The following PFAS variants were observed in gnomAD, a reference collection of about 807,000 sequenced individuals.
PFAS encodes FGAM synthase.
PFAS carries 97 observed loss-of-function variants against 140.6 expected under a neutral mutation model. The ratio of observed to expected loss-of-function variants is 0.69; its 90% confidence interval spans 0.59 to 0.82. The LOEUF is 0.82. PFAS is among the 40% of genes least tolerant of loss of function. PFAS has a pLI of 0.00. For missense variants in PFAS, 1,656 were observed against 1,780.2 expected (o/e 0.93, Z 1.26); for synonymous variants, 679 against 718.8 (o/e 0.94, Z 0.88).
Position 8,265,312 on chromosome 17 carries a change from A to T in PFAS, c.2305A>T (p.Met769Leu), listed in dbSNP as rs768578758. 2 of 1,613,986 alleles carry T rather than the reference A, an allele frequency of 1.2e-6. No individual in the cohort carries two copies. Among genetic ancestry groups the T allele is most frequent in the Admixed American group, 3.3e-5 (2 of 60,016 alleles). ...LRDVKCSGNWMWAAKLPGEGA... is the reference protein window; with the variant it reads ...LRDVKCSGNWLWAAKLPGEGA... ...GGATGTGAAGTGTAGCGGGAACTGG[A>T]TGTGGGCAGCCAAGCTCCCAGGGGA... Residue 769 changes from methionine (M) to leucine (L), a missense_variant, in exon 19 of 28, where the codon ATG becomes TTG. Around this residue, in one of 2 missense-constraint regions of PFAS, gnomAD observed 883 missense variants for 1,023.0 expected, o/e 0.86. Transcript: ENST00000314666.
upstream of PFAS, chr17:8,247,933 G>C: frequency 6.6e-7 from 1 of 1,508,602 alleles, no homozygotes; most frequent in Non-Finnish European, 9.1e-7. Context: ...CAAGGCAGAG[G>C]AAATAGGAAG....
chr17:8,262,344 G>A (rs1177309371), intron 11 of PFAS: 1 of 153,460 alleles, frequency 6.5e-6, no homozygotes, highest in East Asian at 1.9e-4. Flanking sequence ...CTTGTAAGTA[G>A]GTGATTTTAT....
intron 9 of PFAS, among the ~76,000 whole-genome samples, 159 bp downstream of exon 9, chr17:8,257,122 T>A (rs1473801063): frequency 6.6e-6 from 1 of 152,240 alleles, no homozygotes; most frequent in Admixed American, 6.5e-5. Context: ...TGGTCATAAG[T>A]GTAGACCTGG....
At chr17:8,247,946 A>C (rs971133486), upstream of PFAS, 4 of 1,550,126 alleles carry the variant, frequency 2.6e-6, no homozygotes, top group South Asian at 3.5e-5. Context: ...ATAGGAAGAG[A>C]AAGAGTATCT....
rs558094960 is a variant in PFAS, at chr17:8,266,596, G to T, written c.2822-157G>T. 9.0e-5 allele frequency: 132 copies of T among 1,472,546 alleles called. 1 individual carries two copies. The highest frequency in any genetic ancestry group is 1.1e-4 in the Non-Finnish European group (125 of 1,118,812). The allele number at this position is 1,472,546 out of a possible 1,614,324, so 91.2% of individuals were successfully genotyped here. A position where few individuals can be genotyped will look rare whatever the true frequency, so the allele number is the denominator to read the frequency against. On this transcript the variant is annotated intron_variant, in intron 22 of 27. Transcript: ENST00000314666. This position sits in a 1 kb window ranked among gnomAD's most constrained non-coding sequence, Gnocchi z 5.0. ...AGATGTCCATGATGAAACATCCTCA[G>T]TCCTGCCGTCCTAGCCCTCATCCTC...
Position 8,269,071 on chromosome 17 carries a change from A to G in PFAS, c.3824A>G (p.Asn1275Ser), listed in dbSNP as rs750865065. 67 of 1,613,848 alleles carry G rather than the reference A, an allele frequency of 4.2e-5. No individual in the cohort carries two copies. The highest frequency in any genetic ancestry group is 5.0e-5 in the Non-Finnish European group (59 of 1,179,876). Reference protein sequence around the residue: ...NPTEQYPLNPNGSPGGVAGIC... With the variant: ...NPTEQYPLNPSGSPGGVAGIC... The stretch of plus-strand genomic sequence containing the variant: ...ACAGAGCAGTACCCTCTGAATCCCA[A>G]TGGGTCCCCAGGGGGCGTGGCTGGC... Residue 1275 changes from asparagine to serine, a missense_variant, in exon 28 of 28, where the codon AAT becomes AGT. By Grantham distance (46) the Asn-to-Ser change is conservative. Coordinates refer to ENST00000314666, the MANE Select transcript of PFAS (RefSeq NM_012393.3).
intron 3 of PFAS, 120 bp downstream of exon 3, chr17:8,254,421 G>A: frequency 8.5e-7 from 1 of 1,179,820 alleles, no homozygotes; most frequent in African/African-American, 1.5e-5. Context: ...CCACACATGT[G>A]CTTTCCCCAT....
At chr17:8,265,192 G>A in intron 18 of PFAS, 67 bp downstream of exon 18, 12 of 1,563,822 alleles carry the variant, frequency 7.7e-6, no homozygotes, top group Non-Finnish European at 1.1e-5. Context: ...TCCATCTGTA[G>A]CCCTTCATTT....
Position 8,267,024 on chromosome 17 carries a change from C to T in PFAS, c.2968-4C>T, listed in dbSNP as rs780535148. 6.2e-7 allele frequency: 1 copy of T among 1,613,660 alleles called. No individual in the cohort carries two copies. The highest frequency in any genetic ancestry group is 8.5e-7 in the Non-Finnish European group (1 of 1,179,972). On this transcript the variant is annotated splice_polypyrimidine_tract_variant and splice_region_variant and intron_variant, in intron 23 of 27. Coordinates refer to ENST00000314666, the MANE Select transcript of PFAS (RefSeq NM_012393.3). This position sits in a 1 kb window ranked among gnomAD's most constrained non-coding sequence, Gnocchi z 4.9. Reference sequence around the variant, plus strand: ...GCCCGTGGGAGATTTGTTCCTCTTCCTAGGTCCGGGTGTCAGTGAACGGGG... The same window carrying T: ...GCCCGTGGGAGATTTGTTCCTCTTCTTAGGTCCGGGTGTCAGTGAACGGGG...
rs1182063271 is a variant in PFAS at position 8,255,604 on chromosome 17, CCT to C, written c.488_489del (p.Pro163ArgfsTer16). 1 of 1,582,630 alleles carries C rather than the reference CCT, an allele frequency of 6.3e-7. No homozygotes were observed. The highest frequency in any genetic ancestry group is 1.4e-5 in the African/African-American group (1 of 73,514). On this transcript the variant is annotated frameshift_variant, in exon 5 of 28. Transcript: ENST00000314666. LOFTEE classifies it high-confidence loss of function. ...CCCCCATCCCATCCAGAGTTTCTCC[CCT>C]GAGAGCATGCCGGAACCCCTCAATG... ...HFPHPIQSFSPESMPEPLNGP... is the reference protein window; with the variant it reads ...HFPHPIQSFSXESMPEPLNGP...
At chr17:8,257,323 G>A (rs1415712592) in intron 9 of PFAS, among the ~76,000 whole-genome samples, 4 of 152,198 alleles carry the variant, frequency 2.6e-5, no homozygotes, top group African/African-American at 4.8e-5. Context: ...TTGGGAGGCT[G>A]AGGTGGGCGG....
At chr17:8,254,135 C>T in intron 2 of PFAS, 31 bp from the exon 3 acceptor site, 1 of 1,614,074 alleles carries the variant, frequency 6.2e-7, no homozygotes, top group Non-Finnish European at 8.5e-7. Context: ...GGGGCAGTGT[C>T]TCAAGGTGTC....
At chr17:8,257,388 C>G (rs563482170) in intron 9 of PFAS, among the ~76,000 whole-genome samples, 13 of 152,012 alleles carry the variant, frequency 8.6e-5, no homozygotes, top group Non-Finnish European at 1.9e-4. Context: ...AACCCCGTCT[C>G]TACTAAAAAT....
Position 8,268,823 on chromosome 17 carries a change from G to A in PFAS, c.3673G>A (p.Ala1225Thr), listed in dbSNP as rs73975814. Residue 1225 changes from alanine to threonine, a missense_variant, in exon 27 of 28, where the codon GCC becomes ACC. Ala to Thr is a moderately conservative substitution (Grantham distance 58, BLOSUM62 0). This residue lies in a region of PFAS where 883 missense variants were observed against 1,023.0 expected (regional missense o/e 0.86). Transcript: ENST00000314666. ...PALMLRGMEG[A>T]VLPVWSAHGE... ...CCTGATGCTGCGAGGGATGGAGGGCGCCGTGCTGCCCGTGTGGAGTGCGCA... is the reference window on the plus strand; with the variant it reads ...CCTGATGCTGCGAGGGATGGAGGGCACCGTGCTGCCCGTGTGGAGTGCGCA... 1.1e-3 allele frequency: 1,763 copies of A among 1,607,756 alleles called. 15 individuals carry two copies. In the African/African-American group the frequency reaches 0.019, roughly 17 times the overall value.
At chr17:8,260,226 G>T (rs1989538520) in intron 11 of PFAS, among the ~76,000 whole-genome samples, 1 of 152,080 alleles carries the variant, frequency 6.6e-6, no homozygotes, top group South Asian at 2.1e-4. Flanking sequence ...TGTGTGACTG[G>T]CAGTATAGTA....
Position 8,266,604 on chromosome 17 carries a change from G to A in PFAS, c.2822-149G>A, listed in dbSNP as rs1414139071. The stretch of plus-strand genomic sequence containing the variant: ...ATGATGAAACATCCTCAGTCCTGCC[G>A]TCCTAGCCCTCATCCTCCCTGATCC... On this transcript the variant is annotated intron_variant, in intron 22 of 27. Transcript: ENST00000314666. This position sits in a 1 kb window ranked among gnomAD's most constrained non-coding sequence, Gnocchi z 5.0. The A allele has an allele frequency of 3.1e-5, 46 of 1,484,138 alleles. 1 individual carries two copies. The highest frequency in any genetic ancestry group is 2.1e-4 in the South Asian group (15 of 71,670). The allele number at this position is 1,484,138 out of a possible 1,614,324, so 91.9% of individuals were successfully genotyped here.
At chr17:8,261,572 A>AT (rs1317761406) in intron 11 of PFAS, among the ~76,000 whole-genome samples, 2 of 151,298 alleles carry the variant, frequency 1.3e-5, no homozygotes, top group Non-Finnish European at 2.9e-5. Flanking sequence ...AGCTATGCGT[A>AT]TATCTTCCTT....
intron 3 of PFAS, among the ~76,000 whole-genome samples, chr17:8,254,764 A>G (rs566108530): frequency 1.3e-5 from 2 of 152,346 alleles, no homozygotes; most frequent in South Asian, 2.1e-4. Flanking sequence ...AGATCACGCC[A>G]CTGCACTCTA....
Position 8,267,088 on chromosome 17 carries a change from C to T in PFAS, c.3028C>T (p.Leu1010Phe). The change falls in exon 24 of 28, where the codon CTC becomes TTC. Residue 1010 changes from leucine (L) to phenylalanine (F), a missense_variant. Leu to Phe is a conservative substitution (Grantham distance 22, BLOSUM62 0). Coordinates refer to ENST00000314666, the MANE Select transcript of PFAS (RefSeq NM_012393.3). The surrounding 1 kb of genome is among the most constrained non-coding windows in gnomAD (Gnocchi z 4.9). ...LEEPVGELRALWEETSFQLDR... is the reference protein window; with the variant it reads ...LEEPVGELRAFWEETSFQLDR... ...GGAGCCTGTTGGGGAGCTGCGAGCC[C>T]TCTGGGAGGAGACGAGTTTCCAGCT... 1 of 1,613,992 alleles carries T rather than the reference C, an allele frequency of 6.2e-7. No homozygotes were observed. Among genetic ancestry groups the T allele is most frequent in the Non-Finnish European group, 8.5e-7 (1 of 1,179,996 alleles).
Sources: gnomAD v4.1 joint callset for allele counts (sites outside exome capture counted in the v4.1 genomes callset) on GRCh38, gnomAD v4.1.1 for gene constraint, gnomAD v4.1.1 regional missense constraint, Gnocchi (gnomAD v3.1) non-coding constraint, MANE v1.5 for transcripts, NCBI Gene and HGNC (gene_info 2026-07-23, HGNC 2026-07-21) for gene names.